The following TGS1 variants were observed in gnomAD, a reference collection of about 807,000 sequenced individuals.
The protein encoded by TGS1 is trimethylguanosine synthase.
In TGS1, 69 loss-of-function variants were observed where a neutral mutation model predicts 92.2. The observed-to-expected ratio is 0.75, with a 90% confidence interval of 0.62 to 0.91. The LOEUF (loss-of-function observed/expected upper bound fraction) is 0.91. Ranked by LOEUF, TGS1 falls within the 40% of genes least tolerant of loss-of-function variation. The pLI is 0.00. For missense variants in TGS1, 1,062 were observed against 1,001.2 expected (o/e 1.06, Z -0.82); for synonymous variants, 345 against 338.1 (o/e 1.02, Z -0.22).
chr8:55,802,426 G>A, intron 8 of TGS1, 31 bp from the exon 9 acceptor site: 1 of 1,579,064 alleles, frequency 6.3e-7, no homozygotes, highest in South Asian at 1.2e-5. Flanking sequence ...TTTTCTTAGT[G>A]AGCATCTATA....
intron 4 of TGS1, among the ~76,000 whole-genome samples, chr8:55,788,235 C>A (rs973040542): frequency 6.6e-6 from 1 of 152,296 alleles, no homozygotes; most frequent in South Asian, 2.1e-4. Context: ...ACTTTCTTCT[C>A]AGCCTTACTC....
chr8:55,812,157 C>T (rs77846112), intron 11 of TGS1, among the ~76,000 whole-genome samples: 5 of 152,228 alleles, frequency 3.3e-5, no homozygotes, highest in South Asian at 4.1e-4. Context: ...TTATTTGTCA[C>T]TTTCGCCACC....
In TGS1 at chr8:55,785,889, G is replaced by C; in HGVS notation, c.337G>C (p.Glu113Gln). 1 of 1,586,946 alleles carries C rather than the reference G, an allele frequency of 6.3e-7. No individual in the cohort carries two copies. The highest frequency in any genetic ancestry group is 8.6e-7 in the Non-Finnish European group (1 of 1,169,460). The change falls in exon 3 of 13, where the codon GAG becomes CAG. Residue 113 changes from glutamate (E) to glutamine (Q), a missense_variant and splice_region_variant. Coordinates refer to ENST00000260129, the MANE Select transcript of TGS1 (RefSeq NM_024831.8). ...FGRITAHKDF[E>Q]VSMNTRNKVK... ...TAGGATAACTGCACATAAGGATTTT[G>C]AGGTAAATATTAATTTACTTTTATT...
intron 10 of TGS1, 48 bp downstream of exon 10, chr8:55,805,084 A>G: frequency 6.4e-7 from 1 of 1,555,936 alleles, no homozygotes; most frequent in Non-Finnish European, 8.8e-7. Context: ...CAGTTAATTC[A>G]GTAAATGTTT....
chr8:55,795,716 C>G (rs1464270669), intron 6 of TGS1, among the ~76,000 whole-genome samples: 1 of 152,132 alleles, frequency 6.6e-6, no homozygotes, highest in African/African-American at 2.4e-5. Context: ...TTGCAGTCTA[C>G]TATGTAATTT....
intron 12 of TGS1, among the ~76,000 whole-genome samples, chr8:55,816,521 A>C (rs934650082): frequency 8.5e-5 from 13 of 152,220 alleles, no homozygotes; most frequent in African/African-American, 3.1e-4. Flanking sequence ...TCAGAAAAGC[A>C]ATAGCGTTTG....
intron 10 of TGS1, among the ~76,000 whole-genome samples, chr8:55,808,905 GTA>G (rs1803265678): frequency 6.6e-6 from 1 of 152,166 alleles, no homozygotes; most frequent in Admixed American, 6.6e-5. Context: ...TAGTATCCCC[GTA>G]GGATAGTTGA....
rs774278926 is a variant in TGS1 at position 55,796,012 on chromosome 8, G to T, written c.1402G>T (p.Val468Phe). The change falls in exon 7 of 13, where the codon GTC becomes TTC. Residue 468 changes from valine to phenylalanine, a missense_variant. Physicochemically the swap from Val to Phe is conservative, Grantham distance 50 (BLOSUM62 -1). Coordinates refer to ENST00000260129, the MANE Select transcript of TGS1 (RefSeq NM_024831.8). ...AATCCCAAATTTCAGTCATCGGCAG[G>T]TCAGGTATTTAGAGAAGAATGTGAA... ...GGIPNFSHRQ[V>F]RYLEKNVKLK... is the part of the protein sequence containing the mutation. 5 of 1,613,584 alleles carry T rather than the reference G, an allele frequency of 3.1e-6. No homozygotes were observed. The Admixed American group carries it at 8.3e-5, about 27-fold the overall frequency.
intron 6 of TGS1, among the ~76,000 whole-genome samples, chr8:55,793,768 T>G (rs1811957676): frequency 6.6e-6 from 1 of 150,388 alleles, no homozygotes. Context: ...ATTTATTTAT[T>G]TATTTATTTT....
In TGS1 at chr8:55,786,429, T is replaced by A. The variant is rs144144847; in HGVS notation, c.531T>A (p.Thr177=). ...RTYELQSKKD[T]ETENPPVENT... ...ATGAACTTCAAAGCAAAAAAGATAC[T>A]GAGACAGAAAATCCTCCAGTTGAAA... Residue 177 remains threonine, a synonymous_variant, in exon 4 of 13, where the codon ACT becomes ACA. Transcript: ENST00000260129. 2.2e-5 allele frequency: 36 copies of A among 1,613,388 alleles called. No homozygotes were observed. Among genetic ancestry groups the A allele is most frequent in the Non-Finnish European group, 3.0e-5 (35 of 1,179,872 alleles).
chr8:55,795,911 T>G, intron 6 of TGS1, 67 bp from the exon 7 acceptor site: 1 of 1,219,580 alleles, frequency 8.2e-7, no homozygotes, highest in Non-Finnish European at 1.2e-6. Context: ...AGTTTCATCC[T>G]CTTTTCCTAT....
intron 4 of TGS1, among the ~76,000 whole-genome samples, chr8:55,787,668 A>T (rs1048648768): frequency 1.3e-5 from 2 of 152,210 alleles, no homozygotes; most frequent in African/African-American, 4.8e-5. Flanking sequence ...TTTTGAAAGG[A>T]GTTAATCTGA....
chr8:55,779,515 G>GA (rs1811499315), intron 1 of TGS1, among the ~76,000 whole-genome samples: 1 of 152,106 alleles, frequency 6.6e-6, no homozygotes, highest in African/African-American at 2.4e-5. Context: ...AAGCTCACTA[G>GA]AAAAAAATAC....
At chr8:55,782,899 T>C (rs1811606525) in intron 2 of TGS1, 87 bp downstream of exon 2, 1 of 850,202 alleles carries the variant, frequency 1.2e-6, no homozygotes, top group Admixed American at 2.7e-5. Flanking sequence ...TAATATTGTA[T>C]TGATTTGTTA....
rs182505493 is a variant in TGS1, at chr8:55,784,375, A to C, written c.167-1344A>C. Among the ~76,000 whole-genome samples, 235 of 152,194 alleles carry C rather than the reference A, an allele frequency of 1.5e-3. 1 individual carries two copies. The highest frequency in any genetic ancestry group is 5.2e-3 in the African/African-American group (216 of 41,536). On this transcript the variant is annotated intron_variant, in intron 2 of 12. Transcript: ENST00000260129. The stretch of plus-strand genomic sequence containing the variant: ...TTTCAAACCTTTCTCTTTTTGAGAG[A>C]GAGAGAGGGTCTTGCTCTGTTGTCT...
chr8:55,821,698 C>T (rs10112861), intron 12 of TGS1, among the ~76,000 whole-genome samples: 23,548 of 151,578 alleles, frequency 0.16, 2,136 homozygotes, highest in African/African-American at 0.26. Context: ...ACGGTGAAAC[C>T]CTGTCTCTAC....
In TGS1 at chr8:55,802,506, T is replaced by G; in HGVS notation, c.1899T>G (p.Gly633=). 6.2e-7 allele frequency: 1 copy of G among 1,614,114 alleles called. No homozygotes were observed. ...KNKKKNKKVN[G]LPPEIAAVPE... ...AGAAGAAGAACAAAAAGGTGAATGGTCTGCCTCCTGAAATAGCTGCTGTTC... is the reference window on the plus strand; with the variant it reads ...AGAAGAAGAACAAAAAGGTGAATGGGCTGCCTCCTGAAATAGCTGCTGTTC... The change falls in exon 9 of 13, where the codon GGT becomes GGG. Residue 633 remains glycine (G), a synonymous_variant. Transcript: ENST00000260129.
At chr8:55,800,695 C>G (rs1812192701) in intron 8 of TGS1, among the ~76,000 whole-genome samples, 1 of 152,168 alleles carries the variant, frequency 6.6e-6, no homozygotes, top group Non-Finnish European at 1.5e-5. Context: ...CATTATACCC[C>G]CTGTTGACAA....
intron 1 of TGS1, among the ~76,000 whole-genome samples, 181 bp downstream of exon 1, chr8:55,773,900 T>G (rs2130080107): frequency 6.6e-6 from 1 of 152,350 alleles, no homozygotes; most frequent in African/African-American, 2.4e-5. Flanking sequence ...CTGCCATTAT[T>G]TTTATGTGAA....
Sources: allele counts gnomAD v4.1 joint callset (sites outside exome capture counted in the v4.1 genomes callset), GRCh38; gene constraint gnomAD v4.1.1; transcripts MANE v1.5; gene names NCBI Gene and HGNC (gene_info 2026-07-23, HGNC 2026-07-21).